The following TIFA variants were observed in gnomAD, a reference collection of about 807,000 sequenced individuals.
The protein encoded by TIFA is TRAF interacting protein with forkhead associated domain, also known as TRAF-interacting protein with FHA domain-containing protein A.
For synonymous variants in TIFA, 75 were observed against 79.2 expected (o/e 0.95, Z 0.28); for missense variants, 186 against 215.2 (o/e 0.86, Z 0.85).
chr4:112,277,675 A>AGGCCGCCGTATC lies in TIFA; in HGVS notation c.*186_*187insGATACGGCGGCC. Reference sequence around the variant, plus strand: ...TTAAAATAATTTTGTGTAGATCCAGAATACAACAGGTGACTAAGTTAATGA... The same window carrying AGGCCGCCGTATC: ...TTAAAATAATTTTGTGTAGATCCAGAGGCCGCCGTATCATACAACAGGTGACTAAGTTAATGA... On this transcript the variant is annotated 3_prime_UTR_variant, in exon 2 of 2. Coordinates refer to ENST00000361717, the MANE Select transcript of TIFA (RefSeq NM_052864.3). 2.8e-6 allele frequency: 1 copy of AGGCCGCCGTATC among 363,390 alleles called. No individual in the cohort carries two copies. Among genetic ancestry groups the AGGCCGCCGTATC allele is most frequent in the Non-Finnish European group, 4.6e-6 (1 of 217,564 alleles). 22.5% of individuals were successfully genotyped at this position (363,390 alleles called of 1,614,324 possible).
At position 112,278,009 on chromosome 4, in the gene TIFA, A is replaced by G; in HGVS notation, c.408T>C (p.Phe136=). 1 of 1,614,056 alleles carries G rather than the reference A, an allele frequency of 6.2e-7. No individual in the cohort carries two copies. Among genetic ancestry groups the G allele is most frequent in the Non-Finnish European group, 8.5e-7 (1 of 1,180,004 alleles). ...GAGATAAAATAAATTGAGTCTCAAAAAATTCCAATGACTCGCCATCTTCCT... is the reference window on the plus strand; with the variant it reads ...GAGATAAAATAAATTGAGTCTCAAAGAATTCCAATGACTCGCCATCTTCCT... The part of the protein sequence containing the change: ...MEKEDGESLE[F]FETQFILSPR... The change falls in exon 2 of 2, where the codon TTT becomes TTC. Residue 136 remains phenylalanine, a synonymous_variant. Transcript: ENST00000361717.
chr4:112,283,328 T>G (rs1727259788), intron 1 of TIFA, among the ~76,000 whole-genome samples: 1 of 152,234 alleles, frequency 6.6e-6, no homozygotes, highest in Admixed American at 6.5e-5. Context: ...GAACAGGCTC[T>G]GAAGCACCAG....
rs902149998 is a variant in TIFA, at chr4:112,276,937, T to C, written c.*925A>G. 7.9e-5 allele frequency: 12 copies of C among 152,212 alleles called. No homozygotes were observed. Among genetic ancestry groups the C allele is most frequent in the African/African-American group, 2.6e-4 (11 of 41,558 alleles). 9.4% of individuals were successfully genotyped at this position (152,212 alleles called of 1,614,324 possible). Reference sequence around the variant, plus strand: ...AATAAGTATCTTAAATAAATAAATTTTTATTTAAGAACTGAAAAAGACTTT... The same window carrying C: ...AATAAGTATCTTAAATAAATAAATTCTTATTTAAGAACTGAAAAAGACTTT... On this transcript the variant is annotated 3_prime_UTR_variant, in exon 2 of 2. Coordinates refer to ENST00000361717, the MANE Select transcript of TIFA (RefSeq NM_052864.3).
Position 112,278,174 on chromosome 4 carries a change from T to G in TIFA, c.243A>C (p.Ser81=). The G allele has an allele frequency of 6.2e-7, 1 of 1,613,724 alleles. No homozygotes were observed. Among genetic ancestry groups the G allele is most frequent in the East Asian group, 2.2e-5 (1 of 44,890 alleles). ...SLQLFKKFNS[S]VLSFEIKNMS... ...TATTTTTTATTTCAAAGGAGAGAAC[T>G]GAGCTGTTGAATTTTTTAAACAGCT... Residue 81 remains serine (S), a synonymous_variant, in exon 2 of 2, where the codon TCA becomes TCC. Coordinates refer to ENST00000361717, the MANE Select transcript of TIFA (RefSeq NM_052864.3).
Position 112,276,858 on chromosome 4 carries a change from G to A in TIFA, c.*1004C>T, listed in dbSNP as rs551372472. On this transcript the variant is annotated 3_prime_UTR_variant, in exon 2 of 2. Coordinates refer to ENST00000361717, the MANE Select transcript of TIFA (RefSeq NM_052864.3). Reference sequence around the variant, plus strand: ...GGCAATGCTACAATTTAACTTAACTGAATGGTTACCTCATCTACTTAACAT... The same window carrying A: ...GGCAATGCTACAATTTAACTTAACTAAATGGTTACCTCATCTACTTAACAT... 1 of 152,186 alleles carries A rather than the reference G, an allele frequency of 6.6e-6. No individual in the cohort carries two copies. The highest frequency in any genetic ancestry group is 2.1e-4 in the South Asian group (1 of 4,820). The allele number at this position is 152,186 out of a possible 1,614,324, so 9.4% of individuals were successfully genotyped here.
chr4:112,278,367 T>G lies in TIFA; in HGVS notation c.50A>C (p.Gln17Pro). The G allele has an allele frequency of 6.2e-7, 1 of 1,601,940 alleles. No individual in the cohort carries two copies. Among genetic ancestry groups the G allele is most frequent in the Non-Finnish European group, 8.5e-7 (1 of 1,173,920 alleles). Residue 17 changes from glutamine to proline, a missense_variant, in exon 2 of 2, where the codon CAG becomes CCG. Transcript: ENST00000361717. ...ADTEETVTCLQMTVYHPGQLQ... is the reference protein window; with the variant it reads ...ADTEETVTCLPMTVYHPGQLQ... ...CTGGCCAGGATGGTAAACCGTCATC[T>G]GGAGACAAGTTACTGTCTCTTCTGT...
chr4:112,281,532 C>T (rs530741906), intron 1 of TIFA: 2 of 152,270 alleles, frequency 1.3e-5, no homozygotes, highest in South Asian at 4.1e-4. Context: ...ATTGTGACTC[C>T]ATCCAACAAA....
At position 112,277,671 on chromosome 4, in the gene TIFA, C is replaced by CTCGGTTGTCA; in HGVS notation, c.*190_*191insTGACAACCGA. 2 of 409,582 alleles carry CTCGGTTGTCA rather than the reference C, an allele frequency of 4.9e-6. No homozygotes were observed. Among genetic ancestry groups the CTCGGTTGTCA allele is most frequent in the Non-Finnish European group, 4.2e-6 (1 of 240,738 alleles). 25.4% of individuals were successfully genotyped at this position (409,582 alleles called of 1,614,324 possible). A position where few individuals can be genotyped will look rare whatever the true frequency, so the allele number is the denominator to read the frequency against. ...GCAGTTAAAATAATTTTGTGTAGAT[C>CTCGGTTGTCA]CAGAATACAACAGGTGACTAAGTTA... On this transcript the variant is annotated 3_prime_UTR_variant, in exon 2 of 2. Transcript: ENST00000361717.
chr4:112,277,679 CAACAGGTGA>C lies in TIFA; in HGVS notation c.*174_*182del. On this transcript the variant is annotated 3_prime_UTR_variant, in exon 2 of 2. Transcript: ENST00000361717. Reference sequence around the variant, plus strand: ...AATAATTTTGTGTAGATCCAGAATACAACAGGTGACTAAGTTAATGACTAACACAATTTA... The same window carrying C: ...AATAATTTTGTGTAGATCCAGAATACCTAAGTTAATGACTAACACAATTTA... 1 of 367,572 alleles carries C rather than the reference CAACAGGTGA, an allele frequency of 2.7e-6. No individual in the cohort carries two copies. The highest frequency in any genetic ancestry group is 1.2e-4 in the South Asian group (1 of 8,144). 22.8% of individuals were successfully genotyped at this position (367,572 alleles called of 1,614,324 possible). A position where few individuals can be genotyped will look rare whatever the true frequency, so the allele number is the denominator to read the frequency against.
chr4:112,279,828 G>A (rs541155393), intron 1 of TIFA, among the ~76,000 whole-genome samples: 1 of 151,978 alleles, frequency 6.6e-6, no homozygotes, highest in African/African-American at 2.4e-5. Flanking sequence ...CACCACACCC[G>A]GCTAATTTTT....
At chr4:112,280,468 G>A (rs542073473) in intron 1 of TIFA, among the ~76,000 whole-genome samples, 101 of 147,556 alleles carry the variant, frequency 6.8e-4, no homozygotes, top group Non-Finnish European at 1.1e-3. Flanking sequence ...TCCTGTCTCA[G>A]CCTCCCGAGT....
At chr4:112,282,010 G>A (rs1201277995) in intron 1 of TIFA, among the ~76,000 whole-genome samples, 1 of 152,180 alleles carries the variant, frequency 6.6e-6, no homozygotes, top group African/African-American at 2.4e-5. Flanking sequence ...TTGAATTATA[G>A]CTCCCACGAG....
Position 112,278,353 on chromosome 4 carries a change from G to T in TIFA, c.64C>A (p.His22Asn), listed in dbSNP as rs1578431182. The T allele has an allele frequency of 1.9e-6, 3 of 1,607,776 alleles. No individual in the cohort carries two copies. The highest frequency in any genetic ancestry group is 3.4e-5 in the Admixed American group (2 of 58,876). Residue 22 changes from histidine (H) to asparagine (N), a missense_variant, in exon 2 of 2, where the codon CAT becomes AAT. By Grantham distance (68) the His-to-Asn change is moderately conservative. Coordinates refer to ENST00000361717, the MANE Select transcript of TIFA (RefSeq NM_052864.3). ...TVTCLQMTVY[H>N]PGQLQCGIFQ... ...ATTCCACACTGCAACTGGCCAGGAT[G>T]GTAAACCGTCATCTGGAGACAAGTT...
In TIFA at chr4:112,277,856, C is replaced by T. The variant is rs115579603; in HGVS notation, c.*6G>A. 1.9e-6 allele frequency: 3 copies of T among 1,579,356 alleles called. No individual in the cohort carries two copies. In the East Asian group the frequency reaches 6.7e-5, roughly 35 times the overall value. ...CATCATATTTCTCCTCTTAGACTTT[C>T]TGTGTTCATGACTCATTTTCATCCA... On this transcript the variant is annotated 3_prime_UTR_variant, in exon 2 of 2. Coordinates refer to ENST00000361717, the MANE Select transcript of TIFA (RefSeq NM_052864.3).
Position 112,277,670 on chromosome 4 carries a change from T to TCTCGGTTG in TIFA, c.*191_*192insCAACCGAG. 2.3e-6 allele frequency: 1 copy of TCTCGGTTG among 428,594 alleles called. No homozygotes were observed. The highest frequency in any genetic ancestry group is 4.0e-6 in the Non-Finnish European group (1 of 249,210). 26.5% of individuals were successfully genotyped at this position (428,594 alleles called of 1,614,324 possible). A position where few individuals can be genotyped will look rare whatever the true frequency, so the allele number is the denominator to read the frequency against. ...AGCAGTTAAAATAATTTTGTGTAGA[T>TCTCGGTTG]CCAGAATACAACAGGTGACTAAGTT... On this transcript the variant is annotated 3_prime_UTR_variant, in exon 2 of 2. Coordinates refer to ENST00000361717, the MANE Select transcript of TIFA (RefSeq NM_052864.3).
In TIFA at chr4:112,277,826, TCATC is replaced by T. The variant is rs1727147514; in HGVS notation, c.*32_*35del. 6.5e-7 allele frequency: 1 copy of T among 1,542,176 alleles called. No individual in the cohort carries two copies. Among genetic ancestry groups the T allele is most frequent in the African/African-American group, 1.4e-5 (1 of 72,440 alleles). ...GTCTATACAGCATCTACAGAGCTCT[TCATC>T]CATCATATTTCTCCTCTTAGACTTT... is the stretch of plus-strand genomic sequence containing the variant. On this transcript the variant is annotated 3_prime_UTR_variant, in exon 2 of 2. Transcript: ENST00000361717.
chr4:112,280,113 C>T (rs1023150258), intron 1 of TIFA, among the ~76,000 whole-genome samples: 4 of 152,110 alleles, frequency 2.6e-5, no homozygotes, highest in African/African-American at 9.7e-5. Flanking sequence ...TGCTGAGTGC[C>T]GCCTGCATTC....
intron 1 of TIFA, among the ~76,000 whole-genome samples, chr4:112,279,888 A>C (rs1727192395): frequency 6.6e-6 from 1 of 152,094 alleles, no homozygotes; most frequent in African/African-American, 2.4e-5. Context: ...GCTGCTCTCA[A>C]AACTCCTGAG....
At chr4:112,279,302 T>C (rs1466485097) in intron 1 of TIFA, among the ~76,000 whole-genome samples, 1 of 152,246 alleles carries the variant, frequency 6.6e-6, no homozygotes, top group African/African-American at 2.4e-5. Flanking sequence ...AGTACAGTAC[T>C]TAAAAGCAGT....
Sources: gnomAD v4.1 joint callset for allele counts (sites outside exome capture counted in the v4.1 genomes callset) on GRCh38, gnomAD v4.1.1 for gene constraint, MANE v1.5 for transcripts, NCBI Gene and HGNC (gene_info 2026-07-23, HGNC 2026-07-21) for gene names.